The following ADARB2 variants were observed in gnomAD, a reference collection of about 807,000 sequenced individuals.
ADARB2 encodes the protein adenosine deaminase RNA specific B2 (inactive).
Under a neutral mutation model 62.2 loss-of-function variants are expected in ADARB2, and 25 were observed. That is an observed-to-expected ratio of 0.40 (90% CI 0.29 to 0.56). The LOEUF (loss-of-function observed/expected upper bound fraction) is 0.56, where lower values mean the gene tolerates loss of function less well. Among genes scored for constraint, ADARB2 ranks in the 20% least tolerant of loss-of-function variants. The pLI is 0.43. For synonymous variants in ADARB2, 572 were observed against 500.8 expected (o/e 1.14, Z -1.90); for missense variants, 1,071 against 1,077.4 (o/e 0.99, Z 0.08).
intron 1 of ADARB2, among the ~76,000 whole-genome samples, chr10:1,470,447 C>T (rs76429811): frequency 0.024 from 3,610 of 152,306 alleles, 63 homozygotes; most frequent in Non-Finnish European, 0.031. Context: ...CACGAAATCG[C>T]TGAAAATGTC....
chr10:1,553,433 T>G (rs1832657409), intron 1 of ADARB2, among the ~76,000 whole-genome samples: 1 of 152,110 alleles, frequency 6.6e-6, no homozygotes, highest in Non-Finnish European at 1.5e-5. Context: ...GACCTCTCAC[T>G]AAAACGTTTG....
chr10:1,420,434 TATTGAGACAGCAC>T (rs1410661333), intron 1 of ADARB2, among the ~76,000 whole-genome samples: 2 of 152,190 alleles, frequency 1.3e-5, no homozygotes, highest in African/African-American at 4.8e-5. Flanking sequence ...TTCATCTAAT[TATTGAGACAGCAC>T]ATTCACATCC....
At chr10:1,515,891 A>G (rs1832002610) in intron 1 of ADARB2, among the ~76,000 whole-genome samples, 1 of 152,260 alleles carries the variant, frequency 6.6e-6, no homozygotes, top group African/African-American at 2.4e-5. Context: ...AGGAAAGCCT[A>G]TGTGACAGTG....
chr10:1,228,088 C>T (rs1217634467), intron 6 of ADARB2, among the ~76,000 whole-genome samples: 8 of 152,174 alleles, frequency 5.3e-5, no homozygotes, highest in Non-Finnish European at 1.2e-4. Context: ...TCCCTGACTT[C>T]CTATGGGATT....
intron 3 of ADARB2, among the ~76,000 whole-genome samples, chr10:1,302,892 A>G (rs1831588317): frequency 6.6e-6 from 1 of 152,068 alleles, no homozygotes; most frequent in Non-Finnish European, 1.5e-5. Flanking sequence ...CACCATCATC[A>G]AAGACCAAAA....
intron 3 of ADARB2, among the ~76,000 whole-genome samples, chr10:1,356,510 C>T (rs1485555403): frequency 1.3e-5 from 2 of 152,190 alleles, no homozygotes; most frequent in African/African-American, 4.8e-5. Flanking sequence ...ACCTCAGCTT[C>T]AACGAGGCTC....
chr10:1,464,764 C>T (rs2494223), intron 1 of ADARB2, among the ~76,000 whole-genome samples: 14 of 104,662 alleles, frequency 1.3e-4, no homozygotes, highest in Middle Eastern at 0.011. Flanking sequence ...GCAGTCACAG[C>T]GGGCAGCGTG....
At chr10:1,475,822 T>G (rs1183596099) in intron 1 of ADARB2, among the ~76,000 whole-genome samples, 2 of 152,160 alleles carry the variant, frequency 1.3e-5, no homozygotes, top group African/African-American at 2.4e-5. Flanking sequence ...TATCTCAGGA[T>G]GCAAAGGCCA....
chr10:1,734,708 T>C (rs1460529431), intron 1 of ADARB2, among the ~76,000 whole-genome samples: 1 of 152,224 alleles, frequency 6.6e-6, no homozygotes, highest in African/African-American at 2.4e-5. Context: ...GTCAGTGTCT[T>C]CAGTTAGCAC....
chr10:1,214,315 C>T (rs1247787776), intron 7 of ADARB2, among the ~76,000 whole-genome samples: 3 of 148,228 alleles, frequency 2.0e-5, no homozygotes, highest in Non-Finnish European at 4.5e-5. Context: ...CACCTGTACC[C>T]AGCGTCACGT....
intron 2 of ADARB2, among the ~76,000 whole-genome samples, chr10:1,377,452 A>G (rs1832443694): frequency 1.2e-5 from 1 of 83,798 alleles, no homozygotes; most frequent in Admixed American, 1.4e-4. Flanking sequence ...GGGTGTGCAT[A>G]TGTGTGTGTG....
chr10:1,720,809 T>A (rs1182184112), intron 1 of ADARB2, among the ~76,000 whole-genome samples: 1 of 152,082 alleles, frequency 6.6e-6, no homozygotes, highest in African/African-American at 2.4e-5. Context: ...GCAACTAATA[T>A]CATATGGAAA....
intron 4 of ADARB2, among the ~76,000 whole-genome samples, chr10:1,267,431 A>G (rs1187702773): frequency 1.3e-5 from 2 of 152,214 alleles, no homozygotes; most frequent in Admixed American, 6.5e-5. Context: ...AAGGAGGAAG[A>G]CAATGATTCC....
At chr10:1,506,255 G>A (rs1223077939) in intron 1 of ADARB2, among the ~76,000 whole-genome samples, 1 of 152,080 alleles carries the variant, frequency 6.6e-6, no homozygotes, top group Non-Finnish European at 1.5e-5. Flanking sequence ...TTTGTCGTGC[G>A]GCTCATTTCA....
chr10:1,200,053 C>T lies in ADARB2; in HGVS notation c.1777G>A (p.Gly593Ser), dbSNP rs1189549228. The change falls in exon 8 of 10, where the codon GGC becomes AGC. Residue 593 changes from glycine (G) to serine (S), a missense_variant. Physicochemically the swap from Gly to Ser is moderately conservative, Grantham distance 56. Transcript: ENST00000381312. ...SIVVGSLHHT[G>S]HLARVMSHRM... ...TGGCTCATGACGCGTGCGAGGTGGCCCGTGTGGTGCAGGCTGCCCACCACG... is the reference window on the plus strand; with the variant it reads ...TGGCTCATGACGCGTGCGAGGTGGCTCGTGTGGTGCAGGCTGCCCACCACG... 6.3e-7 allele frequency: 1 copy of T among 1,593,746 alleles called. No homozygotes were observed. Among genetic ancestry groups the T allele is most frequent in the Non-Finnish European group, 8.5e-7 (1 of 1,173,966 alleles).
chr10:1,459,909 C>T (rs897203376), intron 1 of ADARB2, among the ~76,000 whole-genome samples: 9 of 150,160 alleles, frequency 6.0e-5, no homozygotes, highest in Non-Finnish European at 7.4e-5. Context: ...ATAATCTGTG[C>T]AGCAAACCTG....
intron 3 of ADARB2, among the ~76,000 whole-genome samples, chr10:1,337,630 C>T (rs548068577): frequency 5.9e-5 from 9 of 152,094 alleles, no homozygotes; most frequent in Non-Finnish European, 1.0e-4. Flanking sequence ...TCCCTCCCAC[C>T]GAGGCCTCAT....
intron 1 of ADARB2, among the ~76,000 whole-genome samples, chr10:1,706,657 A>T (rs548196668): frequency 1.3e-5 from 2 of 152,338 alleles, no homozygotes; most frequent in Admixed American, 6.5e-5. Flanking sequence ...AATCTGCAGG[A>T]TGATGTTGCT....
chr10:1,207,598 G>C (rs1029385570), intron 7 of ADARB2, among the ~76,000 whole-genome samples: 6 of 152,200 alleles, frequency 3.9e-5, no homozygotes, highest in Non-Finnish European at 8.8e-5. Context: ...TTGAGCAGCT[G>C]ATCTCTAGGT....
Sources: gnomAD v4.1 joint callset for allele counts (sites outside exome capture counted in the v4.1 genomes callset) on GRCh38, gnomAD v4.1.1 for gene constraint, MANE v1.5 for transcripts, NCBI Gene and HGNC (gene_info 2026-07-23, HGNC 2026-07-21) for gene names.